The following STX12 variants were observed in gnomAD, a reference collection of about 807,000 sequenced individuals.
The protein encoded by STX12 is syntaxin-12.
Under a neutral mutation model 42.2 loss-of-function variants are expected in STX12, and 17 were observed. The ratio of observed to expected loss-of-function variants is 0.40; its 90% CI spans 0.28 to 0.60. The LOEUF is 0.60. STX12 is among the 20% of genes least tolerant of loss of function. The pLI is 0.39. For synonymous variants in STX12, 108 were observed against 116.7 expected (o/e 0.93, Z 0.48); for missense variants, 297 against 330.9 (o/e 0.90, Z 0.79).
Position 27,823,290 on chromosome 1 carries a change from T to C in STX12, c.*961T>C, listed in dbSNP as rs531169404. On this transcript the variant is annotated 3_prime_UTR_variant, in exon 9 of 9. Coordinates refer to ENST00000373943, the MANE Select transcript of STX12 (RefSeq NM_177424.3). ...AGGCAGGAAGATTTTTAAAGATAGA[T>C]TGAGGTTGGTTTAAAATTATTCCTG... 2 of 152,582 alleles carry C rather than the reference T, an allele frequency of 1.3e-5. No homozygotes were observed. The highest frequency in any genetic ancestry group is 4.1e-4 in the South Asian group (2 of 4,826). 9.5% of individuals were successfully genotyped at this position (152,582 alleles called of 1,614,324 possible).
At position 27,791,097 on chromosome 1, in the gene STX12, C is replaced by T. The variant is rs191204072; in HGVS notation, c.188+1466C>T. On this transcript the variant is annotated intron_variant, in intron 2 of 8. Coordinates refer to ENST00000373943, the MANE Select transcript of STX12 (RefSeq NM_177424.3). Reference sequence around the variant, plus strand: ...CCAACATGGTGAAACTCCATCTCTACTAAAAATACAAAAATTAGCTGGGCA... The same window carrying T: ...CCAACATGGTGAAACTCCATCTCTATTAAAAATACAAAAATTAGCTGGGCA... Among the ~76,000 whole-genome samples, 13 of 152,112 alleles carry T rather than the reference C, an allele frequency of 8.5e-5. No homozygotes were observed. In the East Asian group the frequency reaches 2.1e-3, roughly 25 times the overall value.
intron 4 of STX12, among the ~76,000 whole-genome samples, chr1:27,804,593 C>T (rs1405461730): frequency 6.6e-6 from 1 of 151,454 alleles, no homozygotes; most frequent in East Asian, 2.0e-4. Context: ...GGGCAGATCA[C>T]AGGGTCAGGA....
At chr1:27,798,461 A>G (rs968965316) in intron 3 of STX12, among the ~76,000 whole-genome samples, 2 of 151,900 alleles carry the variant, frequency 1.3e-5, no homozygotes, top group African/African-American at 4.8e-5. Context: ...CCTGACCAAC[A>G]TGGCAAAACC....
intron 1 of STX12, 50 bp from the exon 2 acceptor site, chr1:27,789,512 G>T: frequency 7.0e-7 from 1 of 1,426,770 alleles, no homozygotes; most frequent in Non-Finnish European, 9.7e-7. Flanking sequence ...GGGTACTCAT[G>T]ATGAATGTAT....
intron 4 of STX12, among the ~76,000 whole-genome samples, chr1:27,808,204 T>C (rs569531459): frequency 1.3e-5 from 2 of 152,212 alleles, no homozygotes; most frequent in East Asian, 3.9e-4. Flanking sequence ...TCTGAGTGGA[T>C]AGAAATTTGA....
intron 6 of STX12, among the ~76,000 whole-genome samples, chr1:27,816,534 G>A (rs964276730): frequency 2.0e-5 from 3 of 151,130 alleles, no homozygotes; most frequent in South Asian, 4.2e-4. Context: ...GGCTGGGCGC[G>A]GTGGATCATG....
intron 8 of STX12, among the ~76,000 whole-genome samples, chr1:27,821,587 A>G (rs766535668): frequency 6.6e-6 from 1 of 151,914 alleles, no homozygotes; most frequent in Non-Finnish European, 1.5e-5. Context: ...TGAACATAAC[A>G]GTTTTATACG....
In STX12 at chr1:27,789,627, A is replaced by C. The variant is rs377708200; in HGVS notation, c.184A>C (p.Asn62His). The C allele has an allele frequency of 7.4e-5, 119 of 1,612,824 alleles. No homozygotes were observed. Among genetic ancestry groups the C allele is most frequent in the Non-Finnish European group, 9.5e-5 (112 of 1,179,242 alleles). The change falls in exon 2 of 9, where the codon AAT (asparagine) becomes CAT (histidine). Residue 62 changes from asparagine (N) to histidine (H), a missense_variant. By Grantham distance (68) the Asn-to-His change is moderately conservative (BLOSUM62 1). Coordinates refer to ENST00000373943, the MANE Select transcript of STX12 (RefSeq NM_177424.3). ...TKQDSSKLQE[N>H]LQQLQHSTNQ... is the part of the protein sequence containing the mutation. ...GCAGGACTCAAGCAAGCTACAGGAA[A>C]ATCTGTGAGTAACTTCCTGACAAGG...
intron 5 of STX12, among the ~76,000 whole-genome samples, chr1:27,811,119 A>G (rs1396123821): frequency 1.3e-5 from 2 of 151,782 alleles, no homozygotes; most frequent in Non-Finnish European, 2.9e-5. Context: ...CAGGAGTTCG[A>G]GACCAGCCTG....
At chr1:27,808,206 G>A (rs11589689) in intron 4 of STX12, among the ~76,000 whole-genome samples, 1 of 151,960 alleles carries the variant, frequency 6.6e-6, no homozygotes, top group Non-Finnish European at 1.5e-5. Flanking sequence ...TGAGTGGATA[G>A]AAATTTGAAA....
chr1:27,816,428 T>A (rs1377384302), intron 6 of STX12, among the ~76,000 whole-genome samples: 1 of 151,792 alleles, frequency 6.6e-6, no homozygotes, highest in Non-Finnish European at 1.5e-5. Flanking sequence ...GAGTTGAGAT[T>A]GTGCCACTGC....
chr1:27,776,623 T>C (rs1318552076), intron 1 of STX12, among the ~76,000 whole-genome samples: 1 of 152,084 alleles, frequency 6.6e-6, no homozygotes, highest in African/African-American at 2.4e-5. Context: ...AGGCTGAGGC[T>C]GGAGAATCTC....
At chr1:27,814,401 T>G (rs2088926011) in intron 6 of STX12, among the ~76,000 whole-genome samples, 1 of 141,920 alleles carries the variant, frequency 7.0e-6, no homozygotes, top group African/African-American at 2.8e-5. Flanking sequence ...CTGTAACATG[T>G]ACCTGTGGTC....
At chr1:27,797,370 T>G (rs1163084655) in intron 3 of STX12, among the ~76,000 whole-genome samples, 1 of 152,094 alleles carries the variant, frequency 6.6e-6, no homozygotes, top group Admixed American at 6.6e-5. Flanking sequence ...TCACTTTTTT[T>G]CTGTTTCCTT....
rs879863121 is a variant in STX12, at chr1:27,809,101, C to T, written c.427-1145C>T. On this transcript the variant is annotated intron_variant, in intron 4 of 8. Coordinates refer to ENST00000373943, the MANE Select transcript of STX12 (RefSeq NM_177424.3). ...CTGTAATCCCAACACTTTGGGAGGC[C>T]GAGGCAGGCGGATCACGAGGTCAGG... 7.0e-4 allele frequency among the ~76,000 whole-genome samples: 106 copies of T among 151,998 alleles called. 1 individual carries two copies. Among genetic ancestry groups the T allele is most frequent in the Non-Finnish European group, 6.8e-4 (46 of 68,020 alleles).
Position 27,800,410 on chromosome 1 carries a change from A to C in STX12, c.289-1268A>C, listed in dbSNP as rs189974394. ...ACTTGTCTGTCTATATCCTTTATTTACAAATAGACAGCTGTTTGAGGTCAG... is the reference window on the plus strand; with the variant it reads ...ACTTGTCTGTCTATATCCTTTATTTCCAAATAGACAGCTGTTTGAGGTCAG... On this transcript the variant is annotated intron_variant, in intron 3 of 8. Transcript: ENST00000373943. Among the ~76,000 whole-genome samples, 8 of 152,098 alleles carry C rather than the reference A, an allele frequency of 5.3e-5. No homozygotes were observed. The East Asian group carries it at 1.5e-3, about 29-fold the overall frequency.
intron 1 of STX12, among the ~76,000 whole-genome samples, chr1:27,785,926 A>G (rs1387532395): frequency 1.3e-5 from 2 of 152,210 alleles, no homozygotes; most frequent in Admixed American, 6.5e-5. Context: ...GCAGAGACCT[A>G]TTAACTTAGG....
At chr1:27,776,353 C>T (rs1030231509) in intron 1 of STX12, among the ~76,000 whole-genome samples, 2 of 152,132 alleles carry the variant, frequency 1.3e-5, no homozygotes, top group African/African-American at 4.8e-5. Flanking sequence ...TAACAAATGA[C>T]AATATCTGAA....
At chr1:27,794,803 C>T (rs2088773274) in intron 3 of STX12, among the ~76,000 whole-genome samples, 1 of 152,058 alleles carries the variant, frequency 6.6e-6, no homozygotes, top group African/African-American at 2.4e-5. Flanking sequence ...CTCACTGCAA[C>T]CTTGAACTCC....
Sources: gnomAD v4.1 joint callset for allele counts (sites outside exome capture counted in the v4.1 genomes callset) on GRCh38, gnomAD v4.1.1 for gene constraint, MANE v1.5 for transcripts, NCBI Gene and HGNC (gene_info 2026-07-23, HGNC 2026-07-21) for gene names.